The following LRGUK variants were observed in gnomAD, a reference collection of about 807,000 sequenced individuals.
LRGUK encodes the protein leucine-rich repeat and guanylate kinase domain-containing protein.
LRGUK carries 65 observed loss-of-function variants against 76.0 expected under a neutral mutation model. The ratio of observed to expected loss-of-function variants is 0.85; its 90% CI spans 0.70 to 1.05. The LOEUF (loss-of-function observed/expected upper bound fraction) is 1.05, where lower values mean the gene tolerates loss of function less well. LRGUK is among the 50% of genes least tolerant of loss of function. The pLI is 0.00. For synonymous variants in LRGUK, 268 were observed against 265.6 expected (o/e 1.01, Z -0.09); for missense variants, 758 against 732.8 (o/e 1.03, Z -0.40).
At chr7:134,185,119 G>A (rs1799928316) in intron 11 of LRGUK, among the ~76,000 whole-genome samples, 1 of 152,112 alleles carries the variant, frequency 6.6e-6, no homozygotes, top group Non-Finnish European at 1.5e-5. Flanking sequence ...CAAGTTTTCT[G>A]GAGCAAATAT....
rs559082415 is a variant in LRGUK at position 134,207,992 on chromosome 7, A to T, written c.1844-715A>T. Among the ~76,000 whole-genome samples, 4 of 152,280 alleles carry T rather than the reference A, an allele frequency of 2.6e-5. No individual in the cohort carries two copies. The South Asian group carries it at 8.3e-4, about 32-fold the overall frequency. On this transcript the variant is annotated intron_variant, in intron 15 of 15. Transcript: ENST00000645682. ...AACACCAAGTTGACACCTCTGTGTAACACCAGCATTGCTAGTGGCCTCTGA... is the reference window on the plus strand; with the variant it reads ...AACACCAAGTTGACACCTCTGTGTATCACCAGCATTGCTAGTGGCCTCTGA...
intron 16 of LRGUK, among the ~76,000 whole-genome samples, chr7:134,243,522 C>T (rs1239927033): frequency 1.8e-4 from 28 of 152,056 alleles, no homozygotes; most frequent in Admixed American, 4.6e-4. Context: ...TCAAGGAGAA[C>T]TACAAACCAC....
rs148637446 is a variant in LRGUK at position 134,202,074 on chromosome 7, C to T, written c.1843+498C>T. Among the ~76,000 whole-genome samples the T allele has an allele frequency of 1.9e-4, 29 of 152,232 alleles. No homozygotes were observed. In the East Asian group the frequency reaches 5.2e-3, roughly 27 times the overall value. The stretch of plus-strand genomic sequence containing the variant: ...CTGTGCTCTCTTGGGTGAGCTCCTT[C>T]GCTGTTCGGAGCTTCAGTTTACTGT... On this transcript the variant is annotated intron_variant, in intron 15 of 15. Transcript: ENST00000645682.
At chr7:134,150,551 G>A (rs1368983547) in intron 5 of LRGUK, among the ~76,000 whole-genome samples, 1 of 151,798 alleles carries the variant, frequency 6.6e-6, no homozygotes, top group Non-Finnish European at 1.5e-5. Context: ...ACTCTTGCTA[G>A]CCAGAAAGAA....
At chr7:134,236,716 C>G (rs941220093) in intron 16 of LRGUK, among the ~76,000 whole-genome samples, 2 of 152,318 alleles carry the variant, frequency 1.3e-5, no homozygotes, top group Non-Finnish European at 1.5e-5. Context: ...TAGGGCCATA[C>G]AGATATCCAG....
At chr7:134,253,071 G>A (rs1279367101) in intron 18 of LRGUK, among the ~76,000 whole-genome samples, 1 of 152,168 alleles carries the variant, frequency 6.6e-6, no homozygotes. Flanking sequence ...GTGTGAACAA[G>A]TGGAGTTCAA....
intron 1 of LRGUK, among the ~76,000 whole-genome samples, chr7:134,130,534 T>C (rs1797256686): frequency 6.6e-6 from 1 of 152,248 alleles, no homozygotes; most frequent in South Asian, 2.1e-4. Context: ...TTTTATTCTA[T>C]TTTGGCTTTT....
intron 7 of LRGUK, among the ~76,000 whole-genome samples, chr7:134,171,374 G>A (rs917013775): frequency 1.3e-5 from 2 of 151,394 alleles, no homozygotes; most frequent in African/African-American, 4.9e-5. Context: ...GTACCCAATT[G>A]TTTTCTAAGA....
chr7:134,221,991 T>G, intron 16 of LRGUK, 73 bp downstream of exon 16: 1 of 1,348,820 alleles, frequency 7.4e-7, no homozygotes, highest in Non-Finnish European at 9.7e-7. Context: ...GGATTTAATA[T>G]TTTGAGACTA....
intron 16 of LRGUK, among the ~76,000 whole-genome samples, chr7:134,235,653 A>G (rs937421920): frequency 3.3e-5 from 5 of 152,192 alleles, no homozygotes; most frequent in Non-Finnish European, 7.3e-5. Flanking sequence ...CAAAGGCAGA[A>G]ATCATTGTTA....
chr7:134,166,998 A>G (rs1368273981), intron 7 of LRGUK, among the ~76,000 whole-genome samples: 1 of 152,182 alleles, frequency 6.6e-6, no homozygotes, highest in African/African-American at 2.4e-5. Flanking sequence ...TGTAATGAGA[A>G]GGGTTGGACT....
intron 4 of LRGUK, 130 bp from the exon 5 acceptor site, chr7:134,148,108 T>C: frequency 1.6e-6 from 1 of 618,826 alleles, no homozygotes; most frequent in Non-Finnish European, 2.8e-6. Context: ...TCTTTTAGCC[T>C]TAGTGTGTAC....
chr7:134,263,976 A>C (rs1383960125), exon 20 of LRGUK: 1 of 1,606,108 alleles, frequency 6.2e-7, no homozygotes, highest in African/African-American at 1.3e-5. Flanking sequence ...CCGCAGGTAG[A>C]CTAGCACTTG....
chr7:134,238,237 C>T (rs550341856), intron 16 of LRGUK, among the ~76,000 whole-genome samples: 76 of 151,920 alleles, frequency 5.0e-4, no homozygotes, highest in Non-Finnish European at 8.8e-4. Flanking sequence ...ATTATGGGAA[C>T]AATATTTCCT....
In LRGUK at chr7:134,249,167, TA is replaced by T. The variant is rs970485848; in HGVS notation, c.2198+95del. ...TCATCTCTAAGCTTCAGAGAAATCCTAAAACTGGGAAGCAGGGCCCTAACTC... is the reference window on the plus strand; with the variant it reads ...TCATCTCTAAGCTTCAGAGAAATCCTAAACTGGGAAGCAGGGCCCTAACTC... On this transcript the variant is annotated intron_variant, in intron 18 of 19. Transcript: ENST00000285928. 26 of 1,347,480 alleles carry T rather than the reference TA, an allele frequency of 1.9e-5. No homozygotes were observed. The African/African-American group carries it at 3.6e-4, about 18-fold the overall frequency. The allele number at this position is 1,347,480 out of a possible 1,614,324, so 83.5% of individuals were successfully genotyped here. A position where few individuals can be genotyped will look rare whatever the true frequency, so the allele number is the denominator to read the frequency against.
At chr7:134,131,947 G>T (rs1164631684) in intron 1 of LRGUK, among the ~76,000 whole-genome samples, 1 of 152,170 alleles carries the variant, frequency 6.6e-6, no homozygotes, top group Non-Finnish European at 1.5e-5. Flanking sequence ...GATACCAAGG[G>T]TATTTAAGTG....
At chr7:134,258,956 T>A (rs1181512588) in intron 19 of LRGUK, among the ~76,000 whole-genome samples, 4 of 152,144 alleles carry the variant, frequency 2.6e-5, no homozygotes, top group African/African-American at 9.7e-5. Flanking sequence ...TGCTGCACTG[T>A]CCACCCGGCC....
At chr7:134,202,152 A>T (rs1383284323) in intron 15 of LRGUK, among the ~76,000 whole-genome samples, 1 of 152,130 alleles carries the variant, frequency 6.6e-6, no homozygotes, top group Non-Finnish European at 1.5e-5. Flanking sequence ...CACCACATGG[A>T]TGGTGAGCAG....
At chr7:134,266,528 C>G (rs1016846894), downstream of LRGUK, among the ~76,000 whole-genome samples, 1 of 151,910 alleles carries the variant, frequency 6.6e-6, no homozygotes, top group Non-Finnish European at 1.5e-5. Flanking sequence ...TGGATGGGCA[C>G]AAGAGTGAAA....
Sources: gnomAD v4.1 joint callset for allele counts (sites outside exome capture counted in the v4.1 genomes callset) on GRCh38, gnomAD v4.1.1 for gene constraint, MANE v1.5 for transcripts, NCBI Gene and HGNC (gene_info 2026-07-23, HGNC 2026-07-21) for gene names.